The following FBXO42 variants were observed in gnomAD, a reference collection of about 807,000 sequenced individuals.
The protein encoded by FBXO42 is F-box only protein 42.
A neutral mutation model predicts 71.7 loss-of-function variants in FBXO42; 12 were observed. The ratio of observed to expected loss-of-function variants is 0.17; its 90% CI spans 0.11 to 0.27. FBXO42 has a LOEUF of 0.27. FBXO42 is among the 10% of genes least tolerant of loss of function. FBXO42 has a pLI of 1.00. For missense variants in FBXO42, 707 were observed against 911.9 expected (o/e 0.78, Z 2.89); for synonymous variants, 325 against 327.5 (o/e 0.99, Z 0.08).
intron 4 of FBXO42, among the ~76,000 whole-genome samples, chr1:16,284,346 T>C (rs922927836): frequency 2.6e-5 from 4 of 152,202 alleles, no homozygotes; most frequent in African/African-American, 9.6e-5. Context: ...CACCAGCACC[T>C]GCAATCACAT....
chr1:16,307,959 A>C (rs979723777), intron 2 of FBXO42, among the ~76,000 whole-genome samples: 10 of 152,210 alleles, frequency 6.6e-5, no homozygotes, highest in African/African-American at 2.4e-4. Flanking sequence ...GTGGAGAAGC[A>C]CAAGACCCAG....
In FBXO42 at chr1:16,330,594, G is replaced by T. The variant is rs567662067; in HGVS notation, c.-17-15159C>A. Among the ~76,000 whole-genome samples, 7 of 152,106 alleles carry T rather than the reference G, an allele frequency of 4.6e-5. No homozygotes were observed. The East Asian group carries it at 1.4e-3, about 29-fold the overall frequency. On this transcript the variant is annotated intron_variant, in intron 1 of 9. Transcript: ENST00000375592. ...GAGGTTGAGGCAGGCAGATCACAAG[G>T]TCAACAGATTGAGACCATCCTGGCC...
intron 4 of FBXO42, among the ~76,000 whole-genome samples, chr1:16,286,575 T>C (rs1203839226): frequency 3.3e-5 from 5 of 152,198 alleles, no homozygotes; most frequent in South Asian, 2.1e-4. Context: ...GAGGTGAGAT[T>C]TGGGTGGGGA....
chr1:16,295,666 T>G (rs910994900), intron 3 of FBXO42, among the ~76,000 whole-genome samples: 1 of 152,180 alleles, frequency 6.6e-6, no homozygotes, highest in African/African-American at 2.4e-5. Flanking sequence ...GTGCTGGGAT[T>G]ACAGGCATGA....
At chr1:16,283,235 C>G (rs2081983089) in intron 4 of FBXO42, among the ~76,000 whole-genome samples, 3 of 152,114 alleles carry the variant, frequency 2.0e-5, no homozygotes, top group Non-Finnish European at 2.9e-5. Context: ...AGGCCAAGAA[C>G]AGGCATCTAG....
intron 4 of FBXO42, among the ~76,000 whole-genome samples, chr1:16,264,077 C>T (rs2081746519): frequency 6.6e-6 from 1 of 152,082 alleles, no homozygotes; most frequent in African/African-American, 2.4e-5. Context: ...TCCCAAAGTG[C>T]AGGGATTACA....
At chr1:16,287,642 G>C (rs1470726884) in intron 4 of FBXO42, among the ~76,000 whole-genome samples, 1 of 152,120 alleles carries the variant, frequency 6.6e-6, no homozygotes, top group Non-Finnish European at 1.5e-5. Flanking sequence ...GCTCAGGCTG[G>C]TCTTGAACTC....
intron 1 of FBXO42, 62 bp downstream of exon 1, chr1:16,352,193 G>A (rs1456643748): frequency 7.7e-6 from 3 of 391,620 alleles, no homozygotes; most frequent in African/African-American, 4.1e-5. Flanking sequence ...TGCCAGTCCC[G>A]GGCATAAAGG....
At chr1:16,314,099 C>T (rs2082340719) in intron 2 of FBXO42, among the ~76,000 whole-genome samples, 1 of 151,956 alleles carries the variant, frequency 6.6e-6, no homozygotes, top group South Asian at 2.1e-4. Flanking sequence ...GATTAGGTGC[C>T]CACCACCACA....
chr1:16,322,915 A>AGT (rs1231553452), intron 1 of FBXO42, among the ~76,000 whole-genome samples: 45 of 152,356 alleles, frequency 3.0e-4, no homozygotes, highest in African/African-American at 1.1e-3. Context: ...CAACATGGGA[A>AGT]TGAAACTGCT....
At position 16,251,892 on chromosome 1, in the gene FBXO42, G is replaced by A. The variant is rs1392430321; in HGVS notation, c.1039-107C>T. The stretch of plus-strand genomic sequence containing the variant: ...CTGTCATGTGCCAGACATTTTGTAG[G>A]TACCTGAGATATGAAGATGAAAATG... On this transcript the variant is annotated intron_variant, in intron 9 of 9. Coordinates refer to ENST00000375592, the MANE Select transcript of FBXO42 (RefSeq NM_018994.3). This position sits in a 1 kb window ranked among gnomAD's most constrained non-coding sequence, Gnocchi z 4.5. 10 of 1,381,110 alleles carry A rather than the reference G, an allele frequency of 7.2e-6. No homozygotes were observed. Among genetic ancestry groups the A allele is most frequent in the Non-Finnish European group, 7.8e-6 (8 of 1,024,648 alleles). The allele number at this position is 1,381,110 out of a possible 1,614,324, so 85.6% of individuals were successfully genotyped here.
intron 4 of FBXO42, among the ~76,000 whole-genome samples, chr1:16,266,084 A>G (rs2081768839): frequency 6.6e-6 from 1 of 152,228 alleles, no homozygotes; most frequent in Non-Finnish European, 1.5e-5. Flanking sequence ...ACTTTCAAAT[A>G]AAATAATCAA....
chr1:16,299,322 T>C (rs746282911), intron 3 of FBXO42, among the ~76,000 whole-genome samples: 2 of 152,108 alleles, frequency 1.3e-5, no homozygotes, highest in African/African-American at 2.4e-5. Flanking sequence ...ACATTTTTCT[T>C]CTCTATTTGG....
intron 1 of FBXO42, among the ~76,000 whole-genome samples, chr1:16,338,354 C>CAAAAAAAA (rs55865669): frequency 4.6e-5 from 5 of 108,150 alleles, no homozygotes; most frequent in Non-Finnish European, 5.3e-5. Context: ...GCCCTATCTC[C>CAAAAAAAA]AAAAAAAAAA....
intron 1 of FBXO42, among the ~76,000 whole-genome samples, chr1:16,335,609 T>C (rs2082545491): frequency 6.6e-6 from 1 of 152,086 alleles, no homozygotes. Context: ...CTCATACCTG[T>C]AATCCTACCA....
At chr1:16,260,204 T>C (rs1327541980) in intron 4 of FBXO42, among the ~76,000 whole-genome samples, 1 of 136,058 alleles carries the variant, frequency 7.3e-6, no homozygotes, top group African/African-American at 2.7e-5. Context: ...TTATGTACTA[T>C]GCAGCTTTTT....
chr1:16,334,397 C>T (rs374534043), intron 1 of FBXO42, among the ~76,000 whole-genome samples: 64 of 129,668 alleles, frequency 4.9e-4, no homozygotes, highest in African/African-American at 1.6e-3. Context: ...CGAGCCTGGG[C>T]GACAGAGTGA....
At chr1:16,324,464 G>A (rs893226809) in intron 1 of FBXO42, among the ~76,000 whole-genome samples, 2 of 152,170 alleles carry the variant, frequency 1.3e-5, no homozygotes, top group Non-Finnish European at 2.9e-5. Flanking sequence ...AAGAAAGAAA[G>A]AGATGGCTTC....
intron 4 of FBXO42, among the ~76,000 whole-genome samples, chr1:16,281,305 C>T (rs530253442): frequency 6.6e-6 from 1 of 152,196 alleles, no homozygotes; most frequent in East Asian, 1.9e-4. Flanking sequence ...TAGTATCATC[C>T]TATTGAGTTG....
Sources: allele counts gnomAD v4.1 joint callset (sites outside exome capture counted in the v4.1 genomes callset), GRCh38; gene constraint gnomAD v4.1.1; non-coding constraint Gnocchi (gnomAD v3.1); transcripts MANE v1.5; gene names NCBI Gene and HGNC (gene_info 2026-07-23, HGNC 2026-07-21).